The following PCSK6 variants were observed in gnomAD, a reference collection of about 807,000 sequenced individuals.
The protein encoded by PCSK6 is proprotein convertase subtilisin/kexin type 6.
A neutral mutation model predicts 123.3 loss-of-function variants in PCSK6; 85 were observed. The observed-to-expected ratio is 0.69, with a 90% CI of 0.58 to 0.83. The LOEUF is 0.83. PCSK6 is among the 40% of genes least tolerant of loss of function. PCSK6 has a pLI of 0.00. For missense variants in PCSK6, 1,191 were observed against 1,282.3 expected (o/e 0.93, Z 1.09); for synonymous variants, 508 against 516.0 (o/e 0.98, Z 0.21).
intron 9 of PCSK6, among the ~76,000 whole-genome samples, chr15:101,387,530 A>C (rs529969538): frequency 5.9e-5 from 9 of 152,380 alleles, no homozygotes; most frequent in Non-Finnish European, 8.8e-5. Context: ...TCTAGCAATA[A>C]AATCACAAAT....
chr15:101,369,767 G>A (rs2041519347), intron 12 of PCSK6, among the ~76,000 whole-genome samples: 1 of 137,146 alleles, frequency 7.3e-6, no homozygotes, highest in Non-Finnish European at 1.6e-5. Flanking sequence ...CATGTGCGAA[G>A]CTTTGGAATT....
intron 2 of PCSK6, among the ~76,000 whole-genome samples, chr15:101,433,846 C>T (rs1434340099): frequency 6.6e-6 from 1 of 152,240 alleles, no homozygotes; most frequent in Non-Finnish European, 1.5e-5. Context: ...GGATGGCCTC[C>T]AAGACATCCT....
At chr15:101,428,073 T>C (rs1466865273) in intron 5 of PCSK6, 93 bp from the exon 6 acceptor site, 3 of 1,033,982 alleles carry the variant, frequency 2.9e-6, no homozygotes, top group Admixed American at 2.0e-5. Context: ...AGAGAGTCAG[T>C]TGTCCGAAGC....
rs373883386 is a variant in PCSK6, at chr15:101,304,921, T to C, written c.*337A>G. 1.8e-4 allele frequency: 44 copies of C among 238,626 alleles called. No homozygotes were observed. Among genetic ancestry groups the C allele is most frequent in the African/African-American group, 8.9e-4 (40 of 44,786 alleles). The allele number at this position is 238,626 out of a possible 1,614,324, so 14.8% of individuals were successfully genotyped here. On this transcript the variant is annotated 3_prime_UTR_variant, in exon 22 of 22. Transcript: ENST00000611716. ...GAGTGATGTGTGATGCCAAGCGCCT[T>C]TCTTTTCTGCTTTGGTCTTGAAGAT...
At chr15:101,487,093 T>C (rs892672587) in intron 1 of PCSK6, among the ~76,000 whole-genome samples, 3 of 152,254 alleles carry the variant, frequency 2.0e-5, no homozygotes, top group Non-Finnish European at 2.9e-5. Flanking sequence ...AGAGTTCTTA[T>C]TGAGTGGGTA....
chr15:101,466,705 T>G (rs1277345605), intron 1 of PCSK6, among the ~76,000 whole-genome samples: 1 of 151,888 alleles, frequency 6.6e-6, no homozygotes, highest in East Asian at 1.9e-4. Flanking sequence ...ATAAAATGGA[T>G]GAACCTTGAA....
At chr15:101,416,476 A>G (rs2055890963) in intron 6 of PCSK6, among the ~76,000 whole-genome samples, 1 of 152,174 alleles carries the variant, frequency 6.6e-6, no homozygotes, top group Admixed American at 6.5e-5. Flanking sequence ...AGAAAATCCC[A>G]TTTTCTGAGG....
Position 101,399,800 on chromosome 15 carries a change from C to G in PCSK6, c.824-1224G>C, listed in dbSNP as rs560602177. Among the ~76,000 whole-genome samples the G allele has an allele frequency of 2.6e-5, 4 of 152,274 alleles. No homozygotes were observed. The South Asian group carries it at 8.3e-4, about 32-fold the overall frequency. On this transcript the variant is annotated intron_variant, in intron 6 of 21. Transcript: ENST00000611716. ...CCTGGGTCAACTCTCTTCATGGCCA[C>G]TTGACACCCACAGCTCCCCACTCAG...
intron 1 of PCSK6, among the ~76,000 whole-genome samples, chr15:101,478,234 G>A (rs2057780837): frequency 6.6e-6 from 1 of 152,156 alleles, no homozygotes; most frequent in African/African-American, 2.4e-5. Flanking sequence ...GCTCATCTGT[G>A]TAATGGGATT....
At chr15:101,324,485 C>T (rs902773980) in intron 17 of PCSK6, among the ~76,000 whole-genome samples, 4 of 152,354 alleles carry the variant, frequency 2.6e-5, no homozygotes, top group African/African-American at 7.2e-5. Context: ...GACAGCAGGA[C>T]CTCCTCTTCT....
intron 7 of PCSK6, among the ~76,000 whole-genome samples, chr15:101,397,137 C>G (rs889531802): frequency 2.0e-5 from 3 of 152,042 alleles, no homozygotes; most frequent in Non-Finnish European, 2.9e-5. Flanking sequence ...AGGGTTTCGG[C>G]AGGGCAGCAG....
intron 1 of PCSK6, among the ~76,000 whole-genome samples, chr15:101,450,835 G>A (rs748655714): frequency 1.1e-4 from 16 of 152,086 alleles, no homozygotes; most frequent in African/African-American, 3.4e-4. Context: ...ACCACCTCCC[G>A]GCTGTATGGT....
intron 16 of PCSK6, 25 bp downstream of exon 16, chr15:101,326,352 C>T: frequency 6.5e-7 from 1 of 1,542,712 alleles, no homozygotes; most frequent in Non-Finnish European, 8.8e-7. Context: ...AGTGGTGAGC[C>T]ACAGGGCTGC....
chr15:101,397,029 A>G (rs2042433162), intron 7 of PCSK6, among the ~76,000 whole-genome samples: 1 of 152,102 alleles, frequency 6.6e-6, no homozygotes, highest in South Asian at 2.1e-4. Flanking sequence ...AGTGACACCA[A>G]GTCCTTCGGA....
At chr15:101,333,484 TGGG>T (rs1567148126) in intron 13 of PCSK6, among the ~76,000 whole-genome samples, 1 of 152,164 alleles carries the variant, frequency 6.6e-6, no homozygotes, top group Admixed American at 6.5e-5. Flanking sequence ...TTTCCTGCCA[TGGG>T]GTTTCTTGGC....
intron 6 of PCSK6, among the ~76,000 whole-genome samples, chr15:101,419,537 C>CTT (rs3031795): frequency 0.18 from 26,314 of 143,438 alleles, 2,670 homozygotes; most frequent in East Asian, 0.38. Flanking sequence ...CCCAACAGGG[C>CTT]TTTTTTTTTT....
chr15:101,414,704 C>T (rs2055824514), intron 6 of PCSK6, among the ~76,000 whole-genome samples: 1 of 152,112 alleles, frequency 6.6e-6, no homozygotes. Context: ...GAAACTACAT[C>T]TAACCAGCAA....
chr15:101,372,854 C>T (rs183988849), intron 11 of PCSK6, among the ~76,000 whole-genome samples: 1 of 152,226 alleles, frequency 6.6e-6, no homozygotes, highest in East Asian at 1.9e-4. Flanking sequence ...AAAGCCTTAA[C>T]CAAGTTGAAG....
At chr15:101,337,432 G>A (rs757778398) in intron 13 of PCSK6, 1 of 152,248 alleles carries the variant, frequency 6.6e-6, no homozygotes, top group Non-Finnish European at 1.5e-5. Context: ...TAAATTTGAA[G>A]AGTGATTCTT....
Sources: gnomAD v4.1 joint callset for allele counts (sites outside exome capture counted in the v4.1 genomes callset) on GRCh38, gnomAD v4.1.1 for gene constraint, MANE v1.5 for transcripts, NCBI Gene and HGNC (gene_info 2026-07-23, HGNC 2026-07-21) for gene names.